The following RNF214 variants were observed in gnomAD, a reference collection of about 807,000 sequenced individuals.
RNF214 encodes the protein ring finger protein 214.
Under a neutral mutation model 75.9 loss-of-function variants are expected in RNF214, and 25 were observed. The observed-to-expected ratio is 0.33, with a 90% CI of 0.24 to 0.46. The LOEUF is 0.46. RNF214 is among the 20% of genes least tolerant of loss of function. The probability of loss-of-function intolerance (pLI) is 1.00; values close to 1 mark genes in which losing one functional copy is unlikely to be tolerated. For missense variants in RNF214, 725 were observed against 857.5 expected (o/e 0.85, Z 1.93); for synonymous variants, 314 against 308.8 (o/e 1.02, Z -0.18).
intron 6 of RNF214, among the ~76,000 whole-genome samples, chr11:117,265,253 C>T (rs772986730): frequency 6.6e-6 from 1 of 152,038 alleles, no homozygotes; most frequent in Non-Finnish European, 1.5e-5. Flanking sequence ...TCGTCTTCTT[C>T]CTTCCCCATC....
intron 5 of RNF214, among the ~76,000 whole-genome samples, chr11:117,245,105 G>A (rs533826916): frequency 9.3e-4 from 141 of 151,144 alleles, no homozygotes; most frequent in Non-Finnish European, 1.6e-3. Context: ...GATCAGTTGG[G>A]TCCAGGAGTT....
At chr11:117,244,286 C>T (rs547291725) in intron 4 of RNF214, among the ~76,000 whole-genome samples, 159 bp from the exon 5 acceptor site, 1 of 152,240 alleles carries the variant, frequency 6.6e-6, no homozygotes, top group South Asian at 2.1e-4. Flanking sequence ...CAGCCAATCT[C>T]ATCATATTTT....
At chr11:117,247,759 G>C (rs537562167) in intron 6 of RNF214, among the ~76,000 whole-genome samples, 152 of 151,986 alleles carry the variant, frequency 1.0e-3, no homozygotes, top group Middle Eastern at 6.8e-3. Flanking sequence ...GCTGAGGCAG[G>C]GGAATCGCTT....
intron 6 of RNF214, among the ~76,000 whole-genome samples, chr11:117,273,771 T>TA (rs1168471999): frequency 6.6e-6 from 1 of 152,072 alleles, no homozygotes; most frequent in Non-Finnish European, 1.5e-5. Context: ...GGTCGTTGAT[T>TA]GGTTGGGATA....
At chr11:117,258,754 C>T (rs2033588441) in intron 6 of RNF214, among the ~76,000 whole-genome samples, 1 of 152,102 alleles carries the variant, frequency 6.6e-6, no homozygotes, top group African/African-American at 2.4e-5. Flanking sequence ...ACTCTTGTGC[C>T]TTCTCAGTCA....
At chr11:117,270,551 G>A (rs991474794) in intron 6 of RNF214, among the ~76,000 whole-genome samples, 1 of 150,588 alleles carries the variant, frequency 6.6e-6, no homozygotes, top group Non-Finnish European at 1.5e-5. Context: ...GTCTGCCTTA[G>A]CCCCCCACTC....
intron 14 of RNF214, 37 bp downstream of exon 14, chr11:117,283,247 T>A: frequency 2.3e-6 from 3 of 1,325,786 alleles, no homozygotes; most frequent in Non-Finnish European, 3.2e-6. Flanking sequence ...TCTACACTTT[T>A]TCTTCTGACA....
intron 1 of RNF214, among the ~76,000 whole-genome samples, chr11:117,233,367 C>T (rs551704710): frequency 6.6e-6 from 1 of 152,288 alleles, no homozygotes; most frequent in Non-Finnish European, 1.5e-5. Context: ...TGGGCTGTGA[C>T]TGAGGTGTTG....
At chr11:117,253,847 A>G (rs1353994028) in intron 6 of RNF214, among the ~76,000 whole-genome samples, 1 of 152,194 alleles carries the variant, frequency 6.6e-6, no homozygotes, top group African/African-American at 2.4e-5. Flanking sequence ...ATATCAAGCA[A>G]TATTTTTCTT....
At chr11:117,269,333 A>T (rs911717972) in intron 6 of RNF214, among the ~76,000 whole-genome samples, 1 of 152,186 alleles carries the variant, frequency 6.6e-6, no homozygotes, top group African/African-American at 2.4e-5. Context: ...TGGCAGGAAG[A>T]TGAGGGGCAG....
chr11:117,284,153 A>G lies in RNF214; in HGVS notation c.2047-933A>G, dbSNP rs1388891141. 3.3e-5 allele frequency among the ~76,000 whole-genome samples: 5 copies of G among 152,304 alleles called. No homozygotes were observed. The South Asian group carries it at 6.2e-4, about 19-fold the overall frequency. Reference sequence around the variant, plus strand: ...ATCCCACATATCTAACTATTGTTCAAAATGTAGCATTGTCAGAAGACTTTG... The same window carrying G: ...ATCCCACATATCTAACTATTGTTCAGAATGTAGCATTGTCAGAAGACTTTG... On this transcript the variant is annotated intron_variant, in intron 14 of 14. Coordinates refer to ENST00000300650, the MANE Select transcript of RNF214 (RefSeq NM_207343.4).
At chr11:117,265,817 T>A (rs1215834354) in intron 6 of RNF214, among the ~76,000 whole-genome samples, 1 of 152,206 alleles carries the variant, frequency 6.6e-6, no homozygotes, top group African/African-American at 2.4e-5. Flanking sequence ...ACATATTAAT[T>A]ATGCATGTAA....
intron 2 of RNF214, among the ~76,000 whole-genome samples, chr11:117,235,465 G>A (rs1205559683): frequency 6.7e-6 from 1 of 150,190 alleles, no homozygotes; most frequent in East Asian, 2.0e-4. Flanking sequence ...CAAAGTGCTG[G>A]GATTACAGGC....
In RNF214 at chr11:117,281,666, C is replaced by G; in HGVS notation, c.1303C>G (p.Pro435Ala). The change falls in exon 10 of 15, where the codon CCT becomes GCT. Residue 435 changes from proline (P) to alanine (A), a missense_variant. Physicochemically the swap from Pro to Ala is conservative, Grantham distance 27. This residue lies in a region of RNF214 where 363 missense variants were observed against 513.0 expected (regional missense o/e 0.71). Coordinates refer to ENST00000300650, the MANE Select transcript of RNF214 (RefSeq NM_207343.4). ...CAAGCTGAGCAGCCTTCCTCAAATC[C>G]CTACTCCCACTTTACCTCCACCCCC... Reference protein sequence around the residue: ...GAKLSSLPQIPTPTLPPPPSE... With the variant: ...GAKLSSLPQIATPTLPPPPSE... The G allele has an allele frequency of 1.2e-6, 2 of 1,613,522 alleles. No homozygotes were observed. The highest frequency in any genetic ancestry group is 1.7e-6 in the Non-Finnish European group (2 of 1,179,706).
At chr11:117,264,255 G>A (rs974893211) in intron 6 of RNF214, among the ~76,000 whole-genome samples, 5 of 152,180 alleles carry the variant, frequency 3.3e-5, no homozygotes, top group Middle Eastern at 3.4e-3. Context: ...CCCGGGAGGC[G>A]GAGCTTGCAG....
chr11:117,253,944 C>T (rs1210623828), intron 6 of RNF214, among the ~76,000 whole-genome samples: 5 of 152,030 alleles, frequency 3.3e-5, no homozygotes, highest in Non-Finnish European at 5.9e-5. Context: ...GGAAGCATCA[C>T]TCTGGGTGTA....
intron 6 of RNF214, among the ~76,000 whole-genome samples, chr11:117,275,009 G>A (rs575048683): frequency 6.6e-6 from 1 of 152,116 alleles, no homozygotes; most frequent in South Asian, 2.1e-4. Context: ...TAGGCCATAT[G>A]ATAGGCTACA....
chr11:117,279,493 C>T (rs1291077033), intron 6 of RNF214, among the ~76,000 whole-genome samples: 1 of 152,084 alleles, frequency 6.6e-6, no homozygotes, highest in Admixed American at 6.6e-5. Flanking sequence ...TGCGCCATCA[C>T]GCCCAGCTAA....
Position 117,283,130 on chromosome 11 carries a change from A to G in RNF214, c.1966A>G (p.Lys656Glu). Residue 656 changes from lysine to glutamate, a missense_variant, in exon 14 of 15, where the codon AAG becomes GAG. Physicochemically the swap from Lys to Glu is moderately conservative, Grantham distance 56. Around this residue, in one of 2 missense-constraint regions of RNF214, gnomAD observed 363 missense variants for 513.0 expected, o/e 0.71. Coordinates refer to ENST00000300650, the MANE Select transcript of RNF214 (RefSeq NM_207343.4). Reference sequence around the variant, plus strand: ...TGTTCTACAGGCTCCAGCCACCTGTAAGCTATGTCTAATGTGCCAGAAACT... The same window carrying G: ...TGTTCTACAGGCTCCAGCCACCTGTGAGCTATGTCTAATGTGCCAGAAACT... ...GRSSHAPATCKLCLMCQKLVQ... is the reference protein window; with the variant it reads ...GRSSHAPATCELCLMCQKLVQ... 1 of 1,613,890 alleles carries G rather than the reference A, an allele frequency of 6.2e-7. No individual in the cohort carries two copies. The highest frequency in any genetic ancestry group is 8.5e-7 in the Non-Finnish European group (1 of 1,179,796).
Sources: allele counts gnomAD v4.1 joint callset (sites outside exome capture counted in the v4.1 genomes callset), GRCh38; gene constraint gnomAD v4.1.1; regional missense constraint gnomAD v4.1.1; transcripts MANE v1.5; gene names NCBI Gene and HGNC (gene_info 2026-07-23, HGNC 2026-07-21).